Variants in NELL2 observed in about 807,000 individuals in gnomAD.
NELL2 encodes neural EGFL like 2, also known as protein kinase C-binding protein NELL2.
Under a neutral mutation model 109.6 loss-of-function variants are expected in NELL2, and 41 were observed. The ratio of observed to expected loss-of-function variants is 0.37; its 90% CI spans 0.29 to 0.49. The LOEUF (loss-of-function observed/expected upper bound fraction) is 0.49, where lower values mean the gene tolerates loss of function less well. Ranked by LOEUF, NELL2 falls within the 20% of genes least tolerant of loss-of-function variation. The pLI is 0.98. For synonymous variants in NELL2, 355 were observed against 344.7 expected (o/e 1.03, Z -0.33); for missense variants, 900 against 1,008.3 (o/e 0.89, Z 1.45).
chr12:44,855,199 T>A (rs1374815319), intron 2 of NELL2, among the ~76,000 whole-genome samples: 2 of 152,182 alleles, frequency 1.3e-5, no homozygotes, highest in African/African-American at 4.8e-5. Context: ...GGCTACTGTA[T>A]TGGAGAGCTC....
At chr12:44,824,788 G>A (rs548464430) in intron 2 of NELL2, among the ~76,000 whole-genome samples, 11 of 148,088 alleles carry the variant, frequency 7.4e-5, no homozygotes, top group African/African-American at 2.0e-4. Flanking sequence ...TCGGCTAATC[G>A]CAAGCTCCGC....
Position 44,818,766 on chromosome 12 carries a change from C to T in NELL2, c.185-2630G>A, listed in dbSNP as rs1194831289. On this transcript the variant is annotated intron_variant, in intron 2 of 19. Coordinates refer to ENST00000429094, the MANE Select transcript of NELL2 (RefSeq NM_001145108.2). Reference sequence around the variant, plus strand: ...TTTTTTTTTTTTTGAGACGGAGTCTCGCTCTGTCGCCCAGGCCGGACTGCG... The same window carrying T: ...TTTTTTTTTTTTTGAGACGGAGTCTTGCTCTGTCGCCCAGGCCGGACTGCG... Among the ~76,000 whole-genome samples the T allele has an allele frequency of 5.1e-3, 571 of 112,062 alleles. 4 individuals carry two copies. The highest frequency in any genetic ancestry group is 0.017 in the African/African-American group (505 of 29,472). 73.5% of individuals were successfully genotyped at this position (112,062 alleles called of 152,430 possible).
intron 1 of NELL2, among the ~76,000 whole-genome samples, chr12:44,897,068 T>C (rs1346904783): frequency 6.6e-6 from 1 of 152,164 alleles, no homozygotes; most frequent in African/African-American, 2.4e-5. Flanking sequence ...TAAAAGGCCC[T>C]CTATACAGTT....
At chr12:44,755,895 T>C (rs1940868721) in intron 9 of NELL2, among the ~76,000 whole-genome samples, 1 of 152,196 alleles carries the variant, frequency 6.6e-6, no homozygotes, top group African/African-American at 2.4e-5. Context: ...TGCCTACATC[T>C]GGGTTGTAAA....
chr12:44,735,794 T>A (rs1426181957), intron 9 of NELL2, among the ~76,000 whole-genome samples: 1 of 152,038 alleles, frequency 6.6e-6, no homozygotes, highest in African/African-American at 2.4e-5. Flanking sequence ...AATATTTTTA[T>A]CCTCCTTTGT....
intron 9 of NELL2, among the ~76,000 whole-genome samples, chr12:44,715,497 G>A (rs919064559): frequency 3.0e-4 from 45 of 151,634 alleles, no homozygotes; most frequent in African/African-American, 9.2e-4. Context: ...TATTTCACAC[G>A]ACCTACACTG....
intron 1 of NELL2, among the ~76,000 whole-genome samples, chr12:44,902,597 C>T (rs1945673630): frequency 6.6e-6 from 1 of 152,168 alleles, no homozygotes; most frequent in South Asian, 2.1e-4. Context: ...ATAGCCAAGA[C>T]AATCCTAAGC....
chr12:44,682,099 A>T (rs1360472301), intron 12 of NELL2, among the ~76,000 whole-genome samples: 1,760 of 141,870 alleles, frequency 0.012, 46 homozygotes, highest in African/African-American at 0.051. Context: ...GACTTTTTAA[A>T]GATTGCCATT....
At chr12:44,844,759 A>G (rs779504444) in intron 2 of NELL2, among the ~76,000 whole-genome samples, 4 of 152,214 alleles carry the variant, frequency 2.6e-5, no homozygotes, top group Non-Finnish European at 5.9e-5. Context: ...TCAAAATCCT[A>G]AATAAATCAC....
intron 9 of NELL2, among the ~76,000 whole-genome samples, chr12:44,756,919 C>A (rs900524287): frequency 3.9e-5 from 6 of 152,122 alleles, no homozygotes; most frequent in Non-Finnish European, 8.8e-5. Context: ...TTTATAGCTC[C>A]AGCTCAGACC....
intron 15 of NELL2, among the ~76,000 whole-genome samples, chr12:44,587,284 A>AAAAAAAAAAAAAATATATATATATAT: frequency 1.5e-4 from 11 of 72,174 alleles, no homozygotes; most frequent in Non-Finnish European, 2.4e-4. Flanking sequence ...AAAAAAAAAA[A>AAAAAAAAAAAAAATATATATATATAT]ATATATATAT....
intron 13 of NELL2, among the ~76,000 whole-genome samples, chr12:44,617,936 A>G (rs993400421): frequency 6.6e-6 from 1 of 151,986 alleles, no homozygotes; most frequent in African/African-American, 2.4e-5. Flanking sequence ...TCTGAAATCA[A>G]ATCTATTTTG....
chr12:44,921,342 T>A (rs891602633), intron 1 of NELL2, among the ~76,000 whole-genome samples: 7 of 152,072 alleles, frequency 4.6e-5, no homozygotes, highest in Non-Finnish European at 1.0e-4. Flanking sequence ...AATACAAATG[T>A]AAGAAAGACA....
At chr12:44,537,296 T>C (rs1421982508) in intron 15 of NELL2, among the ~76,000 whole-genome samples, 2 of 152,152 alleles carry the variant, frequency 1.3e-5, no homozygotes, top group Admixed American at 1.3e-4. Context: ...TTCTCATGCA[T>C]AGTAATAGTT....
At chr12:44,844,822 T>C (rs1944325095) in intron 2 of NELL2, among the ~76,000 whole-genome samples, 1 of 152,176 alleles carries the variant, frequency 6.6e-6, no homozygotes, top group Non-Finnish European at 1.5e-5. Context: ...TAAACCTCCA[T>C]CTTTCTTTTT....
At chr12:44,904,045 T>C (rs1945692854) in intron 1 of NELL2, among the ~76,000 whole-genome samples, 1 of 151,734 alleles carries the variant, frequency 6.6e-6, no homozygotes. Context: ...TAAAAATAAA[T>C]TAATTAAATT....
At chr12:44,642,604 G>A (rs563996842) in intron 13 of NELL2, among the ~76,000 whole-genome samples, 22 of 152,260 alleles carry the variant, frequency 1.4e-4, no homozygotes, top group Middle Eastern at 3.4e-3. Context: ...AGAAGTGGCC[G>A]GGCGTGGTGG....
At chr12:44,750,688 G>C (rs534993171) in intron 9 of NELL2, among the ~76,000 whole-genome samples, 1 of 152,094 alleles carries the variant, frequency 6.6e-6, no homozygotes, top group South Asian at 2.1e-4. Flanking sequence ...CAACAGTGCG[G>C]GTCAAAGCGT....
chr12:44,576,642 G>A (rs1944097318), intron 15 of NELL2, among the ~76,000 whole-genome samples: 2 of 151,748 alleles, frequency 1.3e-5, no homozygotes, highest in African/African-American at 2.4e-5. Context: ...CTGGTGCGCT[G>A]CACCCACTAA....
Sources: gnomAD v4.1 joint callset for allele counts (sites outside exome capture counted in the v4.1 genomes callset) on GRCh38, gnomAD v4.1.1 for gene constraint, MANE v1.5 for transcripts, NCBI Gene and HGNC (gene_info 2026-07-23, HGNC 2026-07-21) for gene names.